CLSTN2: variants seen among roughly 807,000 people sequenced by gnomAD.
CLSTN2 encodes calsyntenin 2, also known as calsyntenin-2.
CLSTN2 carries 48 observed loss-of-function variants against 101.2 expected under a neutral mutation model. The observed-to-expected ratio is 0.47, with a 90% CI of 0.38 to 0.60. The LOEUF (loss-of-function observed/expected upper bound fraction) is 0.60, where lower values mean the gene tolerates loss of function less well. CLSTN2 is among the 20% of genes least tolerant of loss of function. CLSTN2 has a pLI of 0.00. For synonymous variants in CLSTN2, 481 were observed against 463.6 expected (o/e 1.04, Z -0.48); for missense variants, 1,160 against 1,238.2 (o/e 0.94, Z 0.95).
At chr3:140,050,375 C>T (rs945800067) in intron 1 of CLSTN2, among the ~76,000 whole-genome samples, 11 of 152,262 alleles carry the variant, frequency 7.2e-5, no homozygotes, top group South Asian at 4.1e-4. Flanking sequence ...CCTACACACA[C>T]GGCAATTTCA....
At chr3:140,028,240 G>A (rs1003185814) in intron 1 of CLSTN2, among the ~76,000 whole-genome samples, 1 of 152,112 alleles carries the variant, frequency 6.6e-6, no homozygotes, top group African/African-American at 2.4e-5. Flanking sequence ...TGGTCTCAAG[G>A]TTGTGCTGTC....
At chr3:140,176,970 C>G (rs542105056) in intron 2 of CLSTN2, among the ~76,000 whole-genome samples, 107 of 152,218 alleles carry the variant, frequency 7.0e-4, no homozygotes, top group African/African-American at 2.4e-3. Flanking sequence ...GCTGCTTGGG[C>G]AGAGAAAAGG....
intron 9 of CLSTN2, among the ~76,000 whole-genome samples, chr3:140,536,579 G>A (rs1378994808): frequency 6.6e-6 from 1 of 152,180 alleles, no homozygotes; most frequent in Admixed American, 6.5e-5. Context: ...CAGAAGACAG[G>A]TATTGGAAGG....
chr3:140,560,901 T>C (rs1476953855), intron 12 of CLSTN2, among the ~76,000 whole-genome samples: 4 of 152,174 alleles, frequency 2.6e-5, no homozygotes, highest in East Asian at 1.9e-4. Flanking sequence ...CTTAAGCGTA[T>C]GTTATTGTGC....
At chr3:140,281,348 G>C (rs1033585179) in intron 2 of CLSTN2, among the ~76,000 whole-genome samples, 1 of 152,184 alleles carries the variant, frequency 6.6e-6, no homozygotes, top group African/African-American at 2.4e-5. Flanking sequence ...GGACTTTGAG[G>C]CTCTTTCAGA....
At chr3:140,195,516 A>T (rs1251124178) in intron 2 of CLSTN2, among the ~76,000 whole-genome samples, 1 of 152,152 alleles carries the variant, frequency 6.6e-6, no homozygotes, top group Non-Finnish European at 1.5e-5. Context: ...AAATAAAGCT[A>T]ATTTATTATA....
chr3:140,105,593 A>T (rs2009042589), intron 1 of CLSTN2, among the ~76,000 whole-genome samples: 1 of 152,208 alleles, frequency 6.6e-6, no homozygotes, highest in Non-Finnish European at 1.5e-5. Context: ...AATATTTACT[A>T]AGCATCTAAT....
At chr3:140,461,385 T>G (rs1933559251) in intron 7 of CLSTN2, 1 of 152,350 alleles carries the variant, frequency 6.6e-6, no homozygotes, top group Non-Finnish European at 1.5e-5. Context: ...AGCCTAAGAA[T>G]GTGCAGACAA....
intron 1 of CLSTN2, among the ~76,000 whole-genome samples, chr3:139,996,031 C>A (rs1056004662): frequency 6.6e-6 from 1 of 152,224 alleles, no homozygotes; most frequent in Non-Finnish European, 1.5e-5. Flanking sequence ...TACATCTACC[C>A]ATGTGCTCCT....
intron 2 of CLSTN2, among the ~76,000 whole-genome samples, chr3:140,265,046 T>C (rs958616835): frequency 3.3e-5 from 5 of 152,298 alleles, no homozygotes; most frequent in African/African-American, 1.2e-4. Context: ...TATACACATT[T>C]GTCCATTTAA....
chr3:140,532,241 G>C (rs911440187), intron 8 of CLSTN2, 83 bp from the exon 9 acceptor site: 24 of 1,175,978 alleles, frequency 2.0e-5, no homozygotes, highest in Non-Finnish European at 2.7e-5. Flanking sequence ...AAAATGTGTT[G>C]TTCTCCTTTC....
chr3:140,287,385 AG>A (rs2086904979), intron 2 of CLSTN2, among the ~76,000 whole-genome samples: 1 of 152,158 alleles, frequency 6.6e-6, no homozygotes, highest in African/African-American at 2.4e-5. Context: ...AGTGCATGGA[AG>A]GGTGGATTGT....
intron 1 of CLSTN2, among the ~76,000 whole-genome samples, chr3:140,023,196 T>C (rs901050298): frequency 2.0e-5 from 3 of 152,100 alleles, no homozygotes; most frequent in African/African-American, 7.2e-5. Flanking sequence ...AGAGGTTGTC[T>C]TGCAGGTGGA....
At position 139,980,835 on chromosome 3, in the gene CLSTN2, G is replaced by C. The variant is rs148764186; in HGVS notation, c.109+45352G>C. On this transcript the variant is annotated intron_variant, in intron 1 of 16. Coordinates refer to ENST00000458420, the MANE Select transcript of CLSTN2 (RefSeq NM_022131.3). ...CACTTCCAGGCACTACAGGATATAA[G>C]AGACTTCAGACCTATGCCTACACCA... Among the ~76,000 whole-genome samples, 137 of 152,196 alleles carry C rather than the reference G, an allele frequency of 9.0e-4. 1 individual carries two copies. Among genetic ancestry groups the C allele is most frequent in the African/African-American group, 3.0e-3 (124 of 41,550 alleles).
chr3:140,393,152 T>C (rs1316147880), intron 2 of CLSTN2, among the ~76,000 whole-genome samples: 3 of 152,158 alleles, frequency 2.0e-5, no homozygotes, highest in Admixed American at 6.5e-5. Context: ...ACATGAATTT[T>C]GGAGGGGACA....
intron 9 of CLSTN2, among the ~76,000 whole-genome samples, chr3:140,544,215 G>A (rs1935541590): frequency 6.6e-6 from 1 of 152,210 alleles, no homozygotes; most frequent in Non-Finnish European, 1.5e-5. Context: ...GCTGACTTAT[G>A]CAAAGTGCCT....
intron 1 of CLSTN2, among the ~76,000 whole-genome samples, chr3:139,940,003 G>A (rs922661931): frequency 1.3e-5 from 2 of 152,070 alleles, no homozygotes; most frequent in East Asian, 3.9e-4. Context: ...TCAAGATTTG[G>A]CCTTCCATAA....
chr3:140,042,872 C>T (rs1576407126), intron 1 of CLSTN2, among the ~76,000 whole-genome samples: 1 of 152,184 alleles, frequency 6.6e-6, no homozygotes, highest in Admixed American at 6.5e-5. Flanking sequence ...TTTATGGCTG[C>T]ATAGTATTCC....
At chr3:140,310,715 A>C (rs569946483) in intron 2 of CLSTN2, among the ~76,000 whole-genome samples, 1 of 152,174 alleles carries the variant, frequency 6.6e-6, no homozygotes, top group South Asian at 2.1e-4. Context: ...ACTTCATTGC[A>C]TTCTATTCTA....
Sources: allele counts gnomAD v4.1 joint callset (sites outside exome capture counted in the v4.1 genomes callset), GRCh38; gene constraint gnomAD v4.1.1; transcripts MANE v1.5; gene names NCBI Gene and HGNC (gene_info 2026-07-23, HGNC 2026-07-21).